DOCK9: variants seen among roughly 807,000 people sequenced by gnomAD.
DOCK9 encodes the protein dedicator of cytokinesis 9.
Under a neutral mutation model 263.3 loss-of-function variants are expected in DOCK9, and 89 were observed. That is an observed-to-expected ratio of 0.34 (90% CI 0.28 to 0.40). The LOEUF is 0.40. Among genes scored for constraint, DOCK9 ranks in the 10% least tolerant of loss-of-function variants. The probability of loss-of-function intolerance (pLI) is 1.00; values close to 1 mark genes in which losing one functional copy is unlikely to be tolerated. For synonymous variants in DOCK9, 976 were observed against 973.1 expected (o/e 1.00, Z -0.06); for missense variants, 2,140 against 2,603.4 (o/e 0.82, Z 3.87).
intron 52 of DOCK9, among the ~76,000 whole-genome samples, chr13:98,795,847 C>T (rs2089313173): frequency 6.6e-6 from 1 of 151,952 alleles, no homozygotes; most frequent in Non-Finnish European, 1.5e-5. Context: ...CAGCCTCCAC[C>T]TCCTGGGTTC....
At chr13:99,011,547 G>C (rs547866374) in intron 1 of DOCK9, among the ~76,000 whole-genome samples, 1 of 152,140 alleles carries the variant, frequency 6.6e-6, no homozygotes, top group African/African-American at 2.4e-5. Context: ...TTATTCCAGG[G>C]CTCCTCATAA....
chr13:98,979,607 A>G (rs1876604365), upstream of DOCK9, among the ~76,000 whole-genome samples: 1 of 152,178 alleles, frequency 6.6e-6, no homozygotes, highest in Admixed American at 6.5e-5. Flanking sequence ...CAAATAAATT[A>G]ATGGCTTCTA....
At chr13:99,023,427 T>C (rs1223574932) in intron 1 of DOCK9, among the ~76,000 whole-genome samples, 1 of 152,174 alleles carries the variant, frequency 6.6e-6, no homozygotes, top group African/African-American at 2.4e-5. Context: ...TTTAGAATAG[T>C]CAAATTCATA....
intron 1 of DOCK9, among the ~76,000 whole-genome samples, chr13:99,043,818 G>T (rs999433593): frequency 2.6e-5 from 4 of 152,020 alleles, no homozygotes; most frequent in East Asian, 1.9e-4. Context: ...CTCCATGATG[G>T]GACGGCCAGC....
intron 1 of DOCK9, among the ~76,000 whole-genome samples, chr13:99,074,021 C>T (rs1039885931): frequency 3.3e-5 from 5 of 152,348 alleles, no homozygotes; most frequent in African/African-American, 1.2e-4. Flanking sequence ...CTCAACTCAT[C>T]GGTCTATAGG....
In DOCK9 at chr13:98,897,524, T is replaced by A; in HGVS notation, c.1673A>T (p.Asn558Ile). Residue 558 changes from asparagine to isoleucine, a missense_variant, in exon 15 of 53, where the codon AAT becomes ATT. By Grantham distance (149) the Asn-to-Ile change is moderately radical. This residue lies in a region of DOCK9 where 1,521 missense variants were observed against 1,741.7 expected (regional missense o/e 0.87). Transcript: ENST00000682017. ...IYRQDSNKLSNDDMLKLLADF... is the reference protein window; with the variant it reads ...IYRQDSNKLSIDDMLKLLADF... ...TGCAAGTAACTTGAGCATGTCATCA[T>A]TGGATAGCTTATTGCTGTCTTGCCT... The A allele has an allele frequency of 6.2e-7, 1 of 1,613,960 alleles. No individual in the cohort carries two copies. The highest frequency in any genetic ancestry group is 1.1e-5 in the South Asian group (1 of 91,044).
intron 21 of DOCK9, 50 bp from the exon 22 acceptor site, chr13:98,883,949 C>A: frequency 7.2e-7 from 1 of 1,395,586 alleles, no homozygotes; most frequent in Non-Finnish European, 9.9e-7. Context: ...GTTATTTTGG[C>A]TCTAACATGA....
In DOCK9 at chr13:99,086,403, C is replaced by T. The variant is rs1267719119; in HGVS notation, c.-52G>A. The T allele has an allele frequency of 3.8e-5, 39 of 1,016,630 alleles. 1 individual carries two copies. The highest frequency in any genetic ancestry group is 3.5e-6 in the Non-Finnish European group (3 of 850,590). The allele number at this position is 1,016,630 out of a possible 1,614,324, so 63.0% of individuals were successfully genotyped here. Reference sequence around the variant, plus strand: ...CGCCTGCTCCCGCGGCCCGGCCCGGCCGCGCGGCCGCCAGGTGCGCCCTCG... The same window carrying T: ...CGCCTGCTCCCGCGGCCCGGCCCGGTCGCGCGGCCGCCAGGTGCGCCCTCG... On this transcript the variant is annotated 5_prime_UTR_variant, in exon 1 of 33. Transcript: ENST00000427887.
In DOCK9 at chr13:98,977,956, C is replaced by A; in HGVS notation, c.-47G>T. On this transcript the variant is annotated 5_prime_UTR_variant, in exon 1 of 53. Coordinates refer to ENST00000682017, the MANE Select transcript of DOCK9 (RefSeq NM_001366683.2). ...AGAAAGTCTGCAACTGGAACAGCTG[C>A]GAGTCCCTGGCCGTGCAAGGCACAG... The A allele has an allele frequency of 1.3e-6, 2 of 1,538,600 alleles. No individual in the cohort carries two copies. Among genetic ancestry groups the A allele is most frequent in the Non-Finnish European group, 8.8e-7 (1 of 1,140,816 alleles).
rs183315202 is a variant in DOCK9 at position 98,940,940 on chromosome 13, G to A, written c.244-10683C>T. ...ATGCCTCAGCTGAAATTCTTTCAGT[G>A]ACGCCTCATTGCCACCAGAATAAAA... On this transcript the variant is annotated intron_variant, in intron 2 of 52. Transcript: ENST00000682017. Among the ~76,000 whole-genome samples, 30 of 152,184 alleles carry A rather than the reference G, an allele frequency of 2.0e-4. No homozygotes were observed. In the East Asian group the frequency reaches 5.8e-3, roughly 29 times the overall value.
chr13:98,881,355 G>A (rs1193713809), intron 25 of DOCK9, among the ~76,000 whole-genome samples: 2 of 152,174 alleles, frequency 1.3e-5, no homozygotes, highest in African/African-American at 4.8e-5. Context: ...ATAATTGAAG[G>A]AATGGAATTA....
chr13:98,861,970 G>A (rs1241583027), intron 32 of DOCK9, among the ~76,000 whole-genome samples: 4 of 152,158 alleles, frequency 2.6e-5, no homozygotes, highest in Non-Finnish European at 5.9e-5. Flanking sequence ...TGTGCAGCAC[G>A]TTACTGTTAT....
intron 50 of DOCK9, among the ~76,000 whole-genome samples, chr13:98,799,776 G>C (rs748528266): frequency 8.5e-5 from 13 of 152,146 alleles, no homozygotes; most frequent in African/African-American, 3.1e-4. Flanking sequence ...TGAAATTTTG[G>C]AGTAGACACA....
intron 1 of DOCK9, among the ~76,000 whole-genome samples, chr13:99,043,709 T>C (rs1054751559): frequency 1.3e-5 from 2 of 152,062 alleles, no homozygotes; most frequent in Non-Finnish European, 2.9e-5. Context: ...GAACATGGGG[T>C]CTAAAGTAAT....
intron 49 of DOCK9, among the ~76,000 whole-genome samples, chr13:98,802,783 G>A (rs1256871091): frequency 1.3e-5 from 2 of 152,180 alleles, no homozygotes; most frequent in Admixed American, 6.5e-5. Flanking sequence ...CCTTTGGAAG[G>A]CCAAAGGTTA....
intron 1 of DOCK9, among the ~76,000 whole-genome samples, chr13:98,967,130 G>A (rs2059289044): frequency 6.6e-6 from 1 of 152,200 alleles, no homozygotes; most frequent in Admixed American, 6.5e-5. Context: ...ACTGCCTATT[G>A]GCTATGTCAC....
chr13:98,796,887 G>A (rs1411092652), intron 52 of DOCK9, among the ~76,000 whole-genome samples: 2 of 152,076 alleles, frequency 1.3e-5, no homozygotes, highest in African/African-American at 2.4e-5. Flanking sequence ...TTAGAGCCAC[G>A]AGGAGGCGGG....
chr13:98,860,598 G>T, intron 32 of DOCK9, 76 bp from the exon 33 acceptor site: 2 of 1,401,378 alleles, frequency 1.4e-6, no homozygotes, highest in Non-Finnish European at 9.7e-7. Context: ...AAGTGCCAGG[G>T]CAAGTGCAGG....
chr13:98,918,685 A>G (rs975960002), intron 7 of DOCK9, among the ~76,000 whole-genome samples: 6 of 152,248 alleles, frequency 3.9e-5, no homozygotes, highest in Admixed American at 3.3e-4. Flanking sequence ...TGAGTCAAGC[A>G]TGAATGCAAA....
Sources: gnomAD v4.1 joint callset for allele counts (sites outside exome capture counted in the v4.1 genomes callset) on GRCh38, gnomAD v4.1.1 for gene constraint, gnomAD v4.1.1 regional missense constraint, MANE v1.5 for transcripts, NCBI Gene and HGNC (gene_info 2026-07-23, HGNC 2026-07-21) for gene names.